Variants in MACROD2 observed in about 807,000 individuals in gnomAD.
MACROD2 encodes the protein mono-ADP ribosylhydrolase 2.
A neutral mutation model predicts 70.4 loss-of-function variants in MACROD2; 36 were observed. The observed-to-expected ratio is 0.51, with a 90% CI of 0.39 to 0.68. MACROD2 has a LOEUF of 0.68. MACROD2 is among the 30% of genes least tolerant of loss of function. MACROD2 has a pLI of 0.00. For missense variants in MACROD2, 496 were observed against 538.4 expected, an observed-to-expected ratio of 0.92 and a Z score of 0.78; for synonymous variants, 172 against 178.8, an observed-to-expected ratio of 0.96 and a Z score of 0.30.
chr20:14,255,847 T>C (rs576022326), intron 3 of MACROD2, among the ~76,000 whole-genome samples: 59 of 152,162 alleles, frequency 3.9e-4, no homozygotes, highest in Admixed American at 7.9e-4. Context: ...TTTTCACCTC[T>C]TTAAAACATT....
intron 6 of MACROD2, among the ~76,000 whole-genome samples, chr20:15,262,919 C>G (rs1278977343): frequency 6.6e-6 from 1 of 151,970 alleles, no homozygotes; most frequent in Non-Finnish European, 1.5e-5. Flanking sequence ...TGTTTGAGCT[C>G]CTTATATATT....
At chr20:14,479,812 G>C (rs1435468472) in intron 3 of MACROD2, among the ~76,000 whole-genome samples, 1 of 151,974 alleles carries the variant, frequency 6.6e-6, no homozygotes, top group African/African-American at 2.4e-5. Context: ...TCATGATTCT[G>C]ATGTTTAAAT....
At chr20:14,745,056 A>G (rs2123726259) in intron 5 of MACROD2, among the ~76,000 whole-genome samples, 1 of 152,278 alleles carries the variant, frequency 6.6e-6, no homozygotes, top group Non-Finnish European at 1.5e-5. Context: ...AGGTAGCATT[A>G]GCTATCCTAT....
At chr20:15,067,331 A>C (rs886691660) in intron 5 of MACROD2, among the ~76,000 whole-genome samples, 1 of 151,910 alleles carries the variant, frequency 6.6e-6, no homozygotes. Flanking sequence ...TATTGTTTGT[A>C]TTTTGTTTTG....
chr20:15,732,666 G>GGTA, intron 8 of MACROD2, among the ~76,000 whole-genome samples: 1 of 151,758 alleles, frequency 6.6e-6, no homozygotes, highest in South Asian at 2.1e-4. Context: ...ACTCAGTTGT[G>GGTA]TATAATTTTG....
intron 3 of MACROD2, among the ~76,000 whole-genome samples, chr20:14,172,496 G>C: frequency 6.6e-6 from 1 of 151,890 alleles, no homozygotes; most frequent in East Asian, 1.9e-4. Flanking sequence ...GTAGAGACGG[G>C]GTTTTGCCAT....
intron 8 of MACROD2, among the ~76,000 whole-genome samples, chr20:15,799,740 G>A (rs2147069630): frequency 6.6e-6 from 1 of 152,276 alleles, no homozygotes; most frequent in Middle Eastern, 3.4e-3. Flanking sequence ...TAACAGTGCA[G>A]CAATAAACAG....
intron 15 of MACROD2, among the ~76,000 whole-genome samples, chr20:16,026,036 C>T (rs1361783779): frequency 6.6e-6 from 1 of 151,770 alleles, no homozygotes; most frequent in African/African-American, 2.4e-5. Context: ...GCCTGTATTC[C>T]CAGCTACTGG....
intron 6 of MACROD2, among the ~76,000 whole-genome samples, chr20:15,301,479 A>AGAGAGTT (rs1463588024): frequency 6.6e-6 from 1 of 152,094 alleles, no homozygotes; most frequent in Non-Finnish European, 1.5e-5. Flanking sequence ...TCTTTTACTC[A>AGAGAGTT]GAGAGTTGAG....
At chr20:14,599,836 G>A (rs1323600034) in intron 4 of MACROD2, among the ~76,000 whole-genome samples, 1 of 152,122 alleles carries the variant, frequency 6.6e-6, no homozygotes, top group African/African-American at 2.4e-5. Flanking sequence ...GCCTCACATA[G>A]GGAGGCGGAC....
intron 8 of MACROD2, among the ~76,000 whole-genome samples, chr20:15,523,687 A>T (rs1158373584): frequency 1.3e-5 from 2 of 152,140 alleles, no homozygotes; most frequent in Non-Finnish European, 2.9e-5. Context: ...GCGCACTCAG[A>T]TTTCTGCTGT....
intron 5 of MACROD2, among the ~76,000 whole-genome samples, chr20:14,820,376 T>G (rs557879729): frequency 0.027 from 3,163 of 115,908 alleles, 100 homozygotes; most frequent in African/African-American, 0.09. Flanking sequence ...TTTTTTTTTT[T>G]GTTTTCTCTG....
chr20:14,852,218 C>G (rs928804916), intron 5 of MACROD2, among the ~76,000 whole-genome samples: 5 of 151,974 alleles, frequency 3.3e-5, no homozygotes, highest in African/African-American at 1.2e-4. Context: ...TCTTGGACAG[C>G]GAGGTGGCCA....
intron 5 of MACROD2, among the ~76,000 whole-genome samples, chr20:14,731,100 T>C (rs1255168758): frequency 6.6e-6 from 1 of 152,064 alleles, no homozygotes; most frequent in Non-Finnish European, 1.5e-5. Context: ...CTCATAACCT[T>C]GTAGGCCCTA....
rs78394019 is a variant in MACROD2, at chr20:15,167,330, G to A, written c.419-62610G>A. Reference sequence around the variant, plus strand: ...AATCATCCTAGCTTTATCTGTATTTGTGAAAACTCATAACCCCTACTTAGC... The same window carrying A: ...AATCATCCTAGCTTTATCTGTATTTATGAAAACTCATAACCCCTACTTAGC... On this transcript the variant is annotated intron_variant, in intron 5 of 17. Transcript: ENST00000684519. Among the ~76,000 whole-genome samples, 1,019 of 152,180 alleles carry A rather than the reference G, an allele frequency of 6.7e-3. 12 individuals carry two copies. The highest frequency in any genetic ancestry group is 0.023 in the African/African-American group (969 of 41,532).
intron 8 of MACROD2, among the ~76,000 whole-genome samples, chr20:15,790,801 G>A (rs1389873083): frequency 2.6e-5 from 4 of 151,840 alleles, no homozygotes; most frequent in African/African-American, 9.7e-5. Flanking sequence ...TGAGAAATGT[G>A]CAAAATAATT....
At chr20:14,221,099 C>G (rs895963598) in intron 3 of MACROD2, among the ~76,000 whole-genome samples, 9 of 152,328 alleles carry the variant, frequency 5.9e-5, no homozygotes, top group African/African-American at 1.7e-4. Flanking sequence ...CATTTACATG[C>G]TGTCAACATT....
At chr20:15,708,242 G>A (rs1295397243) in intron 8 of MACROD2, among the ~76,000 whole-genome samples, 1 of 152,014 alleles carries the variant, frequency 6.6e-6, no homozygotes, top group Non-Finnish European at 1.5e-5. Context: ...AGTTCCTGGT[G>A]GGAGACACAG....
intron 3 of MACROD2, among the ~76,000 whole-genome samples, chr20:14,470,286 T>C (rs984746608): frequency 2.0e-5 from 3 of 152,162 alleles, no homozygotes; most frequent in African/African-American, 7.2e-5. Context: ...TGCTGTCTTT[T>C]CCTTCCTCTG....
Sources: allele counts gnomAD v4.1 joint callset (sites outside exome capture counted in the v4.1 genomes callset), GRCh38; gene constraint gnomAD v4.1.1; transcripts MANE v1.5; gene names NCBI Gene and HGNC (gene_info 2026-07-23, HGNC 2026-07-21).